TENM3: variants seen among roughly 807,000 people sequenced by gnomAD.
TENM3 encodes teneurin-3.
A neutral mutation model predicts 255.1 loss-of-function variants in TENM3; 63 were observed. The observed-to-expected ratio is 0.25, with a 90% CI of 0.20 to 0.30. The LOEUF is 0.30. Among genes scored for constraint, TENM3 ranks in the 10% least tolerant of loss-of-function variants. TENM3 has a pLI of 1.00. For synonymous variants in TENM3, 1,306 were observed against 1,322.3 expected (o/e 0.99, Z 0.27); for missense variants, 2,929 against 3,461.1 (o/e 0.85, Z 3.86).
intron 3 of TENM3, among the ~76,000 whole-genome samples, chr4:182,418,556 G>A (rs536103826): frequency 5.9e-5 from 9 of 152,058 alleles, no homozygotes; most frequent in African/African-American, 2.2e-4. Context: ...TAGATATAGT[G>A]TTTTTGTTTT....
chr4:181,857,551 CAAAAAA>C, the TENM3 span, among the ~76,000 whole-genome samples: 8 of 104,790 alleles, frequency 7.6e-5, no homozygotes, highest in Non-Finnish European at 1.1e-4. Flanking sequence ...CCTGTCTCTA[CAAAAAA>C]AAAAAAAAAA....
In TENM3 at chr4:182,728,986, A is replaced by C. The variant is rs774917054; in HGVS notation, c.2390A>C (p.Asp797Ala). The C allele has an allele frequency of 6.2e-7, 1 of 1,613,860 alleles. No homozygotes were observed. The highest frequency in any genetic ancestry group is 1.7e-5 in the Admixed American group (1 of 60,004). Reference sequence around the variant, plus strand: ...ACAGATGGACTCATTGACTGCATGGATCCCGATTGCTGCCTACAGAGTTCC... The same window carrying C: ...ACAGATGGACTCATTGACTGCATGGCTCCCGATTGCTGCCTACAGAGTTCC... Reference protein sequence around the residue: ...NEGDGLIDCMDPDCCLQSSCQ... With the variant: ...NEGDGLIDCMAPDCCLQSSCQ... Residue 797 changes from aspartate to alanine, a missense_variant, in exon 14 of 28, where the codon GAT (aspartate) becomes GCT (alanine). Coordinates refer to ENST00000511685, the MANE Select transcript of TENM3 (RefSeq NM_001080477.4).
At chr4:181,503,276 G>A in the TENM3 span, among the ~76,000 whole-genome samples, 1 of 152,166 alleles carries the variant, frequency 6.6e-6, no homozygotes, top group African/African-American at 2.4e-5. Context: ...TGAGGTGGAA[G>A]GATTGCTTGA....
the TENM3 span, among the ~76,000 whole-genome samples, chr4:181,612,567 G>A: frequency 8.7e-3 from 1,318 of 152,120 alleles, 18 homozygotes; most frequent in African/African-American, 0.03. Flanking sequence ...TTCATTGCCA[G>A]TATGGTCTTT....
the TENM3 span, among the ~76,000 whole-genome samples, chr4:181,450,885 A>G: frequency 1.3e-5 from 2 of 152,230 alleles, no homozygotes; most frequent in Non-Finnish European, 2.9e-5. Context: ...CAAAAGAAAC[A>G]CTTAAGAAAA....
At chr4:182,274,739 G>T (rs1169304580) in intron 1 of TENM3, among the ~76,000 whole-genome samples, 1 of 152,182 alleles carries the variant, frequency 6.6e-6, no homozygotes, top group Non-Finnish European at 1.5e-5. Flanking sequence ...TACTTTTAGA[G>T]TACATAGACA....
intron 3 of TENM3, among the ~76,000 whole-genome samples, chr4:182,444,970 G>A (rs1313580861): frequency 1.3e-5 from 2 of 152,076 alleles, no homozygotes; most frequent in African/African-American, 2.4e-5. Context: ...AACACACCCG[G>A]CTAATTTTTT....
chr4:182,281,504 T>G (rs1450358891), intron 1 of TENM3, among the ~76,000 whole-genome samples: 3 of 152,056 alleles, frequency 2.0e-5, no homozygotes, highest in Admixed American at 6.6e-5. Flanking sequence ...AACCAAGTTT[T>G]TTGTTGTTGG....
chr4:182,392,182 G>A (rs1376799563), intron 3 of TENM3, among the ~76,000 whole-genome samples: 1 of 152,152 alleles, frequency 6.6e-6, no homozygotes, highest in Non-Finnish European at 1.5e-5. Context: ...AACAGTGAAG[G>A]GTCGTTCTTC....
the TENM3 span, among the ~76,000 whole-genome samples, chr4:181,886,396 G>C: frequency 6.6e-6 from 1 of 152,124 alleles, no homozygotes; most frequent in Non-Finnish European, 1.5e-5. Context: ...TAAAAATTTT[G>C]AAAGTAGCTA....
the TENM3 span, among the ~76,000 whole-genome samples, chr4:181,779,802 G>A: frequency 0.017 from 2,529 of 151,912 alleles, 53 homozygotes; most frequent in African/African-American, 0.057. Flanking sequence ...CGCACCCCAC[G>A]ACAGGCCCCA....
At chr4:182,760,989 GA>G (rs1561212846) in intron 22 of TENM3, among the ~76,000 whole-genome samples, 1 of 108,950 alleles carries the variant, frequency 9.2e-6, no homozygotes, top group African/African-American at 3.0e-5. Flanking sequence ...AATTAGAAAA[GA>G]TATCATTAAT....
the TENM3 span, among the ~76,000 whole-genome samples, chr4:181,501,616 A>G: frequency 6.6e-6 from 1 of 151,858 alleles, no homozygotes; most frequent in Non-Finnish European, 1.5e-5. Flanking sequence ...CTGGCCTCGT[A>G]ATCTGCCCGC....
the TENM3 span, among the ~76,000 whole-genome samples, chr4:181,817,210 T>C: frequency 3.9e-5 from 6 of 152,208 alleles, no homozygotes; most frequent in Non-Finnish European, 7.3e-5. Context: ...CTTCTACCTA[T>C]GATGATTACT....
At chr4:181,750,356 T>C in the TENM3 span, among the ~76,000 whole-genome samples, 2 of 152,168 alleles carry the variant, frequency 1.3e-5, no homozygotes, top group African/African-American at 4.8e-5. Context: ...GAAAATTTCA[T>C]CTTCTGTGCT....
At chr4:181,743,138 C>T in the TENM3 span, among the ~76,000 whole-genome samples, 1,204 of 152,064 alleles carry the variant, frequency 7.9e-3, 12 homozygotes, top group African/African-American at 0.027. Flanking sequence ...AGTAAACATA[C>T]GTGTGCATGT....
intron 1 of TENM3, among the ~76,000 whole-genome samples, chr4:182,162,877 C>T (rs1561155684): frequency 6.6e-6 from 1 of 152,098 alleles, no homozygotes; most frequent in African/African-American, 2.4e-5. Flanking sequence ...TCGAAAGGCC[C>T]CTCTTCATAC....
chr4:181,481,344 A>G, the TENM3 span, among the ~76,000 whole-genome samples: 1 of 152,100 alleles, frequency 6.6e-6, no homozygotes, highest in South Asian at 2.1e-4. Context: ...CTATGAGTAT[A>G]TGGCTTAATG....
At chr4:181,615,865 C>T in the TENM3 span, among the ~76,000 whole-genome samples, 2 of 152,294 alleles carry the variant, frequency 1.3e-5, no homozygotes, top group African/African-American at 4.8e-5. Context: ...ATACTTCTTA[C>T]TTTGAGAAAG....
Sources: allele counts gnomAD v4.1 joint callset (sites outside exome capture counted in the v4.1 genomes callset), GRCh38; gene constraint gnomAD v4.1.1; transcripts MANE v1.5; gene names NCBI Gene and HGNC (gene_info 2026-07-23, HGNC 2026-07-21).